GLI3: variants seen among roughly 807,000 people sequenced by gnomAD.
The protein encoded by GLI3 is GLI family zinc finger 3.
A neutral mutation model predicts 100.8 loss-of-function variants in GLI3; 20 were observed. The observed-to-expected ratio is 0.20, with a 90% CI of 0.14 to 0.29. GLI3 has a LOEUF of 0.29. GLI3 is among the 10% of genes least tolerant of loss of function. The pLI is 1.00. For missense variants in GLI3, 2,040 were observed against 2,128.5 expected, an observed-to-expected ratio of 0.96 and a Z score of 0.82; for synonymous variants, 938 against 860.5, an observed-to-expected ratio of 1.09 and a Z score of -1.58.
intron 8 of GLI3, among the ~76,000 whole-genome samples, chr7:42,025,747 A>G (rs1458855750): frequency 1.3e-5 from 2 of 152,238 alleles, no homozygotes; most frequent in Non-Finnish European, 2.9e-5. Context: ...TAGAGCAACC[A>G]GATTCTTCTC....
intron 3 of GLI3, among the ~76,000 whole-genome samples, chr7:42,113,846 T>C (rs1785778463): frequency 6.6e-6 from 1 of 152,240 alleles, no homozygotes; most frequent in Non-Finnish European, 1.5e-5. Context: ...CTTTCCCTTC[T>C]AGTTCTGAGA....
In GLI3 at chr7:42,223,221, A is replaced by G. The variant is rs779415594; in HGVS notation, c.33T>C (p.Thr11=). 36 of 1,613,532 alleles carry G rather than the reference A, an allele frequency of 2.2e-5. No homozygotes were observed. The East Asian group carries it at 7.4e-4, about 33-fold the overall frequency. The change falls in exon 2 of 15, where the codon ACT becomes ACC. Residue 11 remains threonine, a synonymous_variant. Coordinates refer to ENST00000395925, the MANE Select transcript of GLI3 (RefSeq NM_000168.6). ...TGGAATTCTCAACTTTTTTCTTTTCAGTGGTCGTGGAGCTGTGGGACTGGG... is the reference window on the plus strand; with the variant it reads ...TGGAATTCTCAACTTTTTTCTTTTCGGTGGTCGTGGAGCTGTGGGACTGGG... MEAQSHSSTT[T]EKKKVENSIV...
chr7:42,236,514 G>C (rs1471871613), intron 1 of GLI3, among the ~76,000 whole-genome samples: 1 of 152,122 alleles, frequency 6.6e-6, no homozygotes, highest in East Asian at 1.9e-4. Flanking sequence ...GGAGGTCCCC[G>C]CGCGCACCCA....
intron 5 of GLI3, among the ~76,000 whole-genome samples, chr7:42,046,904 C>T (rs541922324): frequency 2.2e-4 from 33 of 152,156 alleles, no homozygotes; most frequent in African/African-American, 7.9e-4. Flanking sequence ...GCCTGTAATC[C>T]CAGCACTTTG....
At chr7:42,256,101 T>A (rs1017620041) in intron 1 of GLI3, among the ~76,000 whole-genome samples, 2 of 152,184 alleles carry the variant, frequency 1.3e-5, no homozygotes, top group Non-Finnish European at 2.9e-5. Context: ...CATTTTCATA[T>A]CTTCTTAGTG....
chr7:41,962,154 C>G lies in GLI3; in HGVS notation c.*2176G>C, dbSNP rs1486012871. ...GAAATGGAGGTTGCATCCGAGAATA[C>G]TACTGGAAGAGCCCTCTGATGGAGG... On this transcript the variant is annotated 3_prime_UTR_variant, in exon 15 of 15. Coordinates refer to ENST00000395925, the MANE Select transcript of GLI3 (RefSeq NM_000168.6). 6.6e-6 allele frequency: 1 copy of G among 152,174 alleles called. No homozygotes were observed. Among genetic ancestry groups the G allele is most frequent in the Admixed American group, 6.5e-5 (1 of 15,272 alleles). The allele number at this position is 152,174 out of a possible 1,614,324, so 9.4% of individuals were successfully genotyped here.
At chr7:41,991,936 T>C (rs1787997990) in intron 10 of GLI3, among the ~76,000 whole-genome samples, 2 of 152,160 alleles carry the variant, frequency 1.3e-5, no homozygotes, top group Non-Finnish European at 1.5e-5. Flanking sequence ...TGTGTATGCA[T>C]GTGTATGTGT....
At chr7:41,984,463 C>T (rs1787757883) in intron 10 of GLI3, among the ~76,000 whole-genome samples, 1 of 152,190 alleles carries the variant, frequency 6.6e-6, no homozygotes, top group African/African-American at 2.4e-5. Context: ...AGTGTCCTCC[C>T]TTCTAAGTGA....
intron 3 of GLI3, among the ~76,000 whole-genome samples, chr7:42,106,956 C>T (rs753447231): frequency 1.4e-4 from 21 of 152,032 alleles, no homozygotes; most frequent in Non-Finnish European, 2.2e-4. Flanking sequence ...TTCTTACTGC[C>T]AACAATGTGG....
intron 2 of GLI3, among the ~76,000 whole-genome samples, chr7:42,169,961 T>TA (rs901530141): frequency 1.9e-3 from 273 of 146,464 alleles, no homozygotes; most frequent in African/African-American, 5.8e-3. Context: ...TCGCTAAAAT[T>TA]AAAAAAAAAA....
At chr7:42,157,523 G>A (rs1190480497) in intron 2 of GLI3, among the ~76,000 whole-genome samples, 1 of 152,274 alleles carries the variant, frequency 6.6e-6, no homozygotes, top group East Asian at 1.9e-4. Flanking sequence ...TCTCTAAATT[G>A]TTTAAGGATT....
rs1788520333 is a variant in GLI3, at chr7:42,223,163, C to T, written c.91G>A (p.Glu31Lys). The T allele has an allele frequency of 1.9e-6, 3 of 1,613,986 alleles. No individual in the cohort carries two copies. Among genetic ancestry groups the T allele is most frequent in the East Asian group, 2.2e-5 (1 of 44,878 alleles). The change falls in exon 2 of 15, where the codon GAG (glutamate) becomes AAG (lysine). Residue 31 changes from glutamate to lysine, a missense_variant. Glu to Lys is a moderately conservative substitution (Grantham distance 56). Transcript: ENST00000395925. ...GTGGTGCTGGAGGCAACGGCTTTCT[C>T]GCTCACATCTGTTCGAGTGGAGCAC... is the stretch of plus-strand genomic sequence containing the variant. ...VKCSTRTDVSEKAVASSTTSN... is the reference protein window; with the variant it reads ...VKCSTRTDVSKKAVASSTTSN...
At chr7:42,258,660 C>G (rs1173957802) in intron 1 of GLI3, among the ~76,000 whole-genome samples, 1 of 152,108 alleles carries the variant, frequency 6.6e-6, no homozygotes, top group African/African-American at 2.4e-5. Context: ...GAGCAAGGTG[C>G]CACAATGACT....
At chr7:42,250,490 C>A (rs141306814) in intron 1 of GLI3, among the ~76,000 whole-genome samples, 3 of 152,302 alleles carry the variant, frequency 2.0e-5, no homozygotes, top group Admixed American at 2.0e-4. Flanking sequence ...GGAGTCATCA[C>A]CAAGCTGAGA....
At position 42,012,083 on chromosome 7, in the gene GLI3, G is replaced by A. The variant is rs1788627634; in HGVS notation, c.1497+11385C>T. 2.0e-5 allele frequency among the ~76,000 whole-genome samples: 3 copies of A among 152,192 alleles called. No homozygotes were observed. In the South Asian group the frequency reaches 6.2e-4, roughly 32 times the overall value. On this transcript the variant is annotated intron_variant, in intron 10 of 14. Coordinates refer to ENST00000395925, the MANE Select transcript of GLI3 (RefSeq NM_000168.6). ...AAGGATAAACCTAATGAGCCCAAGT[G>A]TCAGCGCAATATAAATTACGGCCAG...
chr7:42,142,317 C>T (rs560374200), intron 3 of GLI3, among the ~76,000 whole-genome samples: 1 of 152,046 alleles, frequency 6.6e-6, no homozygotes, highest in Non-Finnish European at 1.5e-5. Flanking sequence ...GGAGCTGAGT[C>T]GTTGTAGAAG....
chr7:42,132,292 G>A (rs1443536064), intron 3 of GLI3, among the ~76,000 whole-genome samples: 1 of 148,094 alleles, frequency 6.8e-6, no homozygotes, highest in African/African-American at 2.5e-5. Flanking sequence ...AGTAGAGATG[G>A]GGTTTCACCA....
chr7:42,179,650 T>A (rs894837531), intron 2 of GLI3, among the ~76,000 whole-genome samples: 1 of 152,030 alleles, frequency 6.6e-6, no homozygotes, highest in Non-Finnish European at 1.5e-5. Context: ...AAGAGAAAAG[T>A]CCACAGAATT....
intron 2 of GLI3, among the ~76,000 whole-genome samples, chr7:42,156,180 A>AG (rs1786998801): frequency 6.6e-6 from 1 of 152,230 alleles, no homozygotes; most frequent in South Asian, 2.1e-4. Context: ...AGTACCCTTG[A>AG]GGGCCCCAGC....
Sources: allele counts gnomAD v4.1 joint callset (sites outside exome capture counted in the v4.1 genomes callset), GRCh38; gene constraint gnomAD v4.1.1; transcripts MANE v1.5; gene names NCBI Gene and HGNC (gene_info 2026-07-23, HGNC 2026-07-21).